The following SERPINE2 variants were observed in gnomAD, a reference collection of about 807,000 sequenced individuals.
SERPINE2 encodes the protein serpin family E member 2, also known as glia-derived nexin.
Under a neutral mutation model 36.3 loss-of-function variants are expected in SERPINE2, and 14 were observed. The observed-to-expected ratio is 0.39, with a 90% CI of 0.25 to 0.60. The LOEUF (loss-of-function observed/expected upper bound fraction) is 0.60. Among genes scored for constraint, SERPINE2 ranks in the 20% least tolerant of loss-of-function variants. The pLI, the probability that SERPINE2 is intolerant of heterozygous loss-of-function variation, is 0.57. For synonymous variants in SERPINE2, 192 were observed against 191.8 expected (o/e 1.00, Z -0.01); for missense variants, 418 against 499.6 (o/e 0.84, Z 1.56).
At chr2:224,020,534 A>G (rs1183701476) in intron 1 of SERPINE2, among the ~76,000 whole-genome samples, 2 of 152,206 alleles carry the variant, frequency 1.3e-5, no homozygotes, top group Non-Finnish European at 2.9e-5. Context: ...TTCAACTAAT[A>G]TAATATGCTG....
intron 4 of SERPINE2, among the ~76,000 whole-genome samples, chr2:223,990,711 C>T (rs1433693261): frequency 6.6e-6 from 1 of 152,154 alleles, no homozygotes; most frequent in African/African-American, 2.4e-5. Flanking sequence ...GGTGCGGTGG[C>T]TCATGCCTGT....
At chr2:224,038,352 C>G in intron 1 of SERPINE2, 1 of 725,746 alleles carries the variant, frequency 1.4e-6, no homozygotes, top group Non-Finnish European at 2.4e-6. Context: ...ACACTAAAAC[C>G]TTCAACAGCA....
At chr2:223,989,940 G>A (rs1464815601) in intron 4 of SERPINE2, among the ~76,000 whole-genome samples, 1 of 152,178 alleles carries the variant, frequency 6.6e-6, no homozygotes, top group Admixed American at 6.5e-5. Flanking sequence ...ACAGTACCCT[G>A]GACAAGAAAC....
chr2:223,980,107 G>A (rs1690165530), intron 7 of SERPINE2: 1 of 477,882 alleles, frequency 2.1e-6, no homozygotes, highest in African/African-American at 2.0e-5. Context: ...TCACTGAAAT[G>A]CTTTTCTTTA....
chr2:223,998,707 C>G (rs1024526696), intron 2 of SERPINE2, among the ~76,000 whole-genome samples: 6 of 152,108 alleles, frequency 3.9e-5, no homozygotes, highest in Non-Finnish European at 8.8e-5. Flanking sequence ...TAAGCAAGAC[C>G]CTGTCTCAAA....
chr2:224,008,452 T>C (rs1431174958), intron 1 of SERPINE2, among the ~76,000 whole-genome samples: 5 of 152,246 alleles, frequency 3.3e-5, no homozygotes, highest in Non-Finnish European at 7.3e-5. Flanking sequence ...AATAGGTTGA[T>C]TGACCAGAGG....
chr2:223,997,856 T>C (rs777472518), intron 3 of SERPINE2, among the ~76,000 whole-genome samples: 9 of 152,134 alleles, frequency 5.9e-5, no homozygotes, highest in Non-Finnish European at 1.0e-4. Context: ...GGAGACCAGA[T>C]ATGGCAAGGA....
At chr2:223,999,127 A>C (rs1189915606) in intron 2 of SERPINE2, among the ~76,000 whole-genome samples, 2 of 152,242 alleles carry the variant, frequency 1.3e-5, no homozygotes, top group Non-Finnish European at 2.9e-5. Flanking sequence ...TGAATAAAAT[A>C]AGCATTAGAA....
intron 3 of SERPINE2, among the ~76,000 whole-genome samples, chr2:223,996,807 G>A (rs573284756): frequency 6.2e-4 from 95 of 152,258 alleles, no homozygotes; most frequent in African/African-American, 1.5e-3. Flanking sequence ...CCAGGCACAG[G>A]GGCTCATGCC....
At chr2:224,015,625 C>G (rs965434957) in intron 1 of SERPINE2, among the ~76,000 whole-genome samples, 8 of 152,294 alleles carry the variant, frequency 5.3e-5, no homozygotes, top group African/African-American at 1.9e-4. Flanking sequence ...AGAACCCAAC[C>G]GGACAGAAAC....
intron 8 of SERPINE2, among the ~76,000 whole-genome samples, chr2:223,977,273 G>C (rs918429060): frequency 6.6e-6 from 1 of 152,206 alleles, no homozygotes; most frequent in Non-Finnish European, 1.5e-5. Context: ...GATGTCAAAA[G>C]TGTTCCAAAG....
intron 1 of SERPINE2, among the ~76,000 whole-genome samples, chr2:224,034,406 C>T (rs916239745): frequency 1.1e-4 from 17 of 152,078 alleles, no homozygotes; most frequent in South Asian, 4.2e-4. Context: ...AAGCACTGGG[C>T]GGTACCAGTG....
At chr2:223,980,452 T>C in intron 6 of SERPINE2, 55 bp from the exon 7 acceptor site, 2 of 1,508,900 alleles carry the variant, frequency 1.3e-6, no homozygotes, top group Non-Finnish European at 9.2e-7. Context: ...AGGCCATTGG[T>C]TGGTTGGGGA....
chr2:224,031,037 C>T, intron 1 of SERPINE2: 1 of 985,342 alleles, frequency 1.0e-6, no homozygotes, highest in Non-Finnish European at 1.2e-6. Context: ...GGCTATCACG[C>T]AGCACGGCGA....
chr2:224,002,020 A>C, intron 1 of SERPINE2, 98 bp from the exon 2 acceptor site: 1 of 1,160,328 alleles, frequency 8.6e-7, no homozygotes, highest in East Asian at 2.6e-5. Context: ...TCTTTCACCC[A>C]GGCTGGAGTG....
At chr2:223,999,819 C>T (rs1691039948) in intron 2 of SERPINE2, among the ~76,000 whole-genome samples, 1 of 152,320 alleles carries the variant, frequency 6.6e-6, no homozygotes, top group Admixed American at 6.5e-5. Context: ...TCTCGGCCGA[C>T]ACAGCCTGGA....
chr2:223,981,516 G>A (rs1690226124), intron 6 of SERPINE2: 1 of 152,212 alleles, frequency 6.6e-6, no homozygotes, highest in South Asian at 2.1e-4. Flanking sequence ...AGGGATGAAC[G>A]GCTATCAGAA....
At chr2:224,034,147 G>A (rs916852922) in intron 1 of SERPINE2, among the ~76,000 whole-genome samples, 2 of 152,150 alleles carry the variant, frequency 1.3e-5, no homozygotes, top group East Asian at 1.9e-4. Flanking sequence ...ACACAGGCAC[G>A]TCTTTCTGGA....
chr2:223,999,835 C>T (rs1866153), intron 2 of SERPINE2, among the ~76,000 whole-genome samples: 15,369 of 152,232 alleles, frequency 0.1, 1,049 homozygotes, highest in Non-Finnish European at 0.15. Flanking sequence ...CTGGATCACA[C>T]TAGGAAAGGT....
Sources: allele counts gnomAD v4.1 joint callset (sites outside exome capture counted in the v4.1 genomes callset), GRCh38; gene constraint gnomAD v4.1.1; transcripts MANE v1.5; gene names NCBI Gene and HGNC (gene_info 2026-07-23, HGNC 2026-07-21).